The following AMN variants were observed in gnomAD, a reference collection of about 807,000 sequenced individuals.
The protein encoded by AMN is protein amnionless.
AMN carries 40 observed loss-of-function variants against 49.1 expected under a neutral mutation model. That is an observed-to-expected ratio of 0.81 (90% CI 0.63 to 1.06). The LOEUF (loss-of-function observed/expected upper bound fraction) is 1.06, where lower values mean the gene tolerates loss of function less well. Ranked by LOEUF, AMN falls within the 50% of genes least tolerant of loss-of-function variation. The pLI is 0.00. For missense variants in AMN, 701 were observed against 662.8 expected (o/e 1.06, Z -0.63); for synonymous variants, 380 against 313.3 (o/e 1.21, Z -2.25).
chr14:102,926,441 A>G (rs1396677711), intron 3 of AMN, among the ~76,000 whole-genome samples: 2 of 152,138 alleles, frequency 1.3e-5, no homozygotes, highest in African/African-American at 4.8e-5. Flanking sequence ...TACACTATCC[A>G]CACAGTGGCT....
In AMN at chr14:102,929,919, C is replaced by G. The variant is rs1273565162; in HGVS notation, c.844-5C>G. On this transcript the variant is annotated splice_polypyrimidine_tract_variant and splice_region_variant and intron_variant, in intron 8 of 11. Transcript: ENST00000299155. The stretch of plus-strand genomic sequence containing the variant: ...GAGTCAAACCAACCCCGTCCCCCTC[C>G]CCAGCCTCAGTACCACGGGCTGCAG... 1.3e-6 allele frequency: 2 copies of G among 1,555,342 alleles called. No homozygotes were observed. Among genetic ancestry groups the G allele is most frequent in the South Asian group, 2.4e-5 (2 of 84,328 alleles).
chr14:102,924,087 G>T, intron 3 of AMN, 108 bp downstream of exon 3: 1 of 1,488,878 alleles, frequency 6.7e-7, no homozygotes, highest in African/African-American at 1.4e-5. Context: ...TGGAGGCACT[G>T]CAGGACTGGG....
In AMN at chr14:102,930,016, G is replaced by A. The variant is rs1390061512; in HGVS notation, c.936G>A (p.Val312=). ...ATACGGAGATCCAGGTGGTGCTGGTGGAGAATGGGCCCGAGACAGGCGGAG... is the reference window on the plus strand; with the variant it reads ...ATACGGAGATCCAGGTGGTGCTGGTAGAGAATGGGCCCGAGACAGGCGGAG... The part of the protein sequence containing the change: ...EADTEIQVVL[V]ENGPETGGAG... Residue 312 remains valine, a synonymous_variant, in exon 9 of 12, where the codon GTG becomes GTA. Transcript: ENST00000299155. 6.4e-7 allele frequency: 1 copy of A among 1,557,016 alleles called. No individual in the cohort carries two copies. The highest frequency in any genetic ancestry group is 1.9e-5 in the Admixed American group (1 of 52,080).
At position 102,926,655 on chromosome 14, in the gene AMN, C is replaced by T. The variant is rs138385580; in HGVS notation, c.208-1771C>T. ...AGGCTGGAGTGCAGTGGTGTGATCT[C>T]GGCTCAGTGCAACCTCTGCCTCCCG... On this transcript the variant is annotated intron_variant, in intron 3 of 11. Transcript: ENST00000299155. Among the ~76,000 whole-genome samples the T allele has an allele frequency of 2.6e-4, 38 of 147,698 alleles. 1 individual carries two copies. In the East Asian group the frequency reaches 6.7e-3, roughly 26 times the overall value.
chr14:102,927,950 C>G (rs1291825439), intron 3 of AMN, among the ~76,000 whole-genome samples: 2 of 152,242 alleles, frequency 1.3e-5, no homozygotes, highest in African/African-American at 2.4e-5. Context: ...CCGCCAGATG[C>G]AGCCTCTCCC....
rs1891081527 is a variant in AMN, at chr14:102,922,677, A to G, written c.-12A>G. On this transcript the variant is annotated 5_prime_UTR_variant, in exon 1 of 12. Transcript: ENST00000299155. ...CAAAGTCTCCTGGTGGGGTGCAAGGAGCCGAGGCGAGATGGGCGTCCTGGG... is the reference window on the plus strand; with the variant it reads ...CAAAGTCTCCTGGTGGGGTGCAAGGGGCCGAGGCGAGATGGGCGTCCTGGG... 6.3e-7 allele frequency: 1 copy of G among 1,598,682 alleles called. No homozygotes were observed. Among genetic ancestry groups the G allele is most frequent in the African/African-American group, 1.3e-5 (1 of 74,816 alleles).
intron 6 of AMN, 48 bp downstream of exon 6, chr14:102,929,306 C>G: frequency 6.9e-7 from 1 of 1,449,660 alleles, no homozygotes; most frequent in Non-Finnish European, 9.0e-7. Flanking sequence ...AGGGTCGGGA[C>G]TGTGCCCGGG....
rs765866977 is a variant in AMN at position 102,928,917 on chromosome 14, T to C, written c.455T>C (p.Val152Ala). 1.2e-6 allele frequency: 2 copies of C among 1,602,118 alleles called. No individual in the cohort carries two copies. Among genetic ancestry groups the C allele is most frequent in the Non-Finnish European group, 1.7e-6 (2 of 1,179,772 alleles). Reference sequence around the variant, plus strand: ...TTTCCGCCTAGTGCCTCCTTCCGCGTGGGGCTCGGCCCTGGCGCTAGCCCC... The same window carrying C: ...TTTCCGCCTAGTGCCTCCTTCCGCGCGGGGCTCGGCCCTGGCGCTAGCCCC... ...VFFPPSASFR[V>A]GLGPGASPVR... Residue 152 changes from valine (V) to alanine (A), a missense_variant, in exon 5 of 12, where the codon GTG becomes GCG. Physicochemically the swap from Val to Ala is moderately conservative, Grantham distance 64. Transcript: ENST00000299155.
In AMN at chr14:102,930,817, C is replaced by CT; in HGVS notation, c.*139dup. 2.0e-6 allele frequency: 2 copies of CT among 1,021,396 alleles called. No individual in the cohort carries two copies. Among genetic ancestry groups the CT allele is most frequent in the South Asian group, 2.8e-5 (2 of 71,918 alleles). 63.3% of individuals were successfully genotyped at this position (1,021,396 alleles called of 1,614,324 possible). ...CTCCGGGGGCCAAGGACAGGGTGGC[C>CT]TTACTCAGTAAAGGTGTTTCCTGCA... is the stretch of plus-strand genomic sequence containing the variant. On this transcript the variant is annotated 3_prime_UTR_variant, in exon 12 of 12. Transcript: ENST00000299155.
chr14:102,923,591 G>C, intron 1 of AMN, 120 bp from the exon 2 acceptor site: 1 of 944,314 alleles, frequency 1.1e-6, no homozygotes, highest in Non-Finnish European at 1.7e-6. Flanking sequence ...CCCGGGGATG[G>C]GGTTCCTATG....
chr14:102,923,839 A>C lies in AMN; in HGVS notation c.162+10A>C, dbSNP rs775021246. 3.1e-6 allele frequency: 5 copies of C among 1,612,344 alleles called. No homozygotes were observed. The East Asian group carries it at 1.1e-4, about 36-fold the overall frequency. ...GTTCCCGGCGGACAAGGTGCCTGGG[A>C]GCGCCGGCGGGGTCGGTGATGGGCC... is the stretch of plus-strand genomic sequence containing the variant. On this transcript the variant is annotated intron_variant, in intron 2 of 11. Transcript: ENST00000299155.
At position 102,929,520 on chromosome 14, in the gene AMN, G is replaced by C; in HGVS notation, c.744G>C (p.Gln248His). ...ACHSALRPQGQCCDLCGAVVL... is the reference protein window; with the variant it reads ...ACHSALRPQGHCCDLCGAVVL... ...ACAGCGCCCTCCGGCCCCAGGGGCA[G>C]TGCTGTGACCTCTGTGGTAAGCGCC... Residue 248 changes from glutamine (Q) to histidine (H), a missense_variant, in exon 7 of 12, where the codon CAG (glutamine) becomes CAC (histidine). Gln to His is a conservative substitution (Grantham distance 24). Transcript: ENST00000299155. 6.5e-7 allele frequency: 1 copy of C among 1,536,496 alleles called. No individual in the cohort carries two copies. Among genetic ancestry groups the C allele is most frequent in the South Asian group, 1.2e-5 (1 of 83,960 alleles).
At chr14:102,928,704 C>T (rs1891248138) in intron 4 of AMN, 54 bp from the exon 5 acceptor site, 2 of 1,558,734 alleles carry the variant, frequency 1.3e-6, no homozygotes, top group Non-Finnish European at 1.7e-6. Flanking sequence ...CGTGGCGTGG[C>T]GTGGTGTGGC....
In AMN at chr14:102,930,590, G is replaced by T. The variant is rs757315069; in HGVS notation, c.1272G>T (p.Arg424=). The T allele has an allele frequency of 2.5e-6, 4 of 1,583,936 alleles. No individual in the cohort carries two copies. The highest frequency in any genetic ancestry group is 2.3e-5 in the South Asian group (2 of 87,082). The change falls in exon 12 of 12, where the codon CGG becomes CGT. Residue 424 remains arginine, a synonymous_variant. Coordinates refer to ENST00000299155, the MANE Select transcript of AMN (RefSeq NM_030943.4). ...TASEELPLPR[R]LSLVPKAAAD... ...TCACCCCGCAGCCCCTGCCGCGGCG[G>T]CTCAGCCTGGTTCCGAAGGCGGCCG...
chr14:102,930,265 G>A lies in AMN; in HGVS notation c.1107G>A (p.Val369=). 1 of 1,380,674 alleles carries A rather than the reference G, an allele frequency of 7.2e-7. No individual in the cohort carries two copies. The highest frequency in any genetic ancestry group is 1.7e-5 in the South Asian group (1 of 59,446). The allele number at this position is 1,380,674 out of a possible 1,614,324, so 85.5% of individuals were successfully genotyped here. A position where few individuals can be genotyped will look rare whatever the true frequency, so the allele number is the denominator to read the frequency against. The change falls in exon 10 of 12, where the codon GTG becomes GTA. Residue 369 remains valine, a synonymous_variant. Transcript: ENST00000299155. ...TGGCGGGCGGCGTGGCGGCTGCCGT[G>A]CTGCTGGCGCTGCTGGTCCTGCTGG... ...AGLAGGVAAA[V]LLALLVLLVA...
chr14:102,930,185 G>C lies in AMN; in HGVS notation c.1027G>C (p.Glu343Gln), dbSNP rs1272814695. The C allele has an allele frequency of 2.0e-6, 3 of 1,482,910 alleles. No individual in the cohort carries two copies. Among genetic ancestry groups the C allele is most frequent in the Non-Finnish European group, 2.7e-6 (3 of 1,123,700 alleles). 91.9% of individuals were successfully genotyped at this position (1,482,910 alleles called of 1,614,324 possible). A position where few individuals can be genotyped will look rare whatever the true frequency, so the allele number is the denominator to read the frequency against. Residue 343 changes from glutamate to glutamine, a missense_variant, in exon 10 of 12, where the codon GAG (glutamate) becomes CAG (glutamine). Transcript: ENST00000299155. ...AENGEALGVL[E>Q]ATMRESGAHV... is the part of the protein sequence containing the mutation. ...CGCAGGCGAGGCCCTCGGCGTCCTGGAGGCGACCATGCGGGAGTCGGGCGC... is the reference window on the plus strand; with the variant it reads ...CGCAGGCGAGGCCCTCGGCGTCCTGCAGGCGACCATGCGGGAGTCGGGCGC...
At chr14:102,924,351 C>CT (rs1891140634) in intron 3 of AMN, among the ~76,000 whole-genome samples, 1 of 151,898 alleles carries the variant, frequency 6.6e-6, no homozygotes, top group Non-Finnish European at 1.5e-5. Flanking sequence ...CCCAACACCC[C>CT]CCCCTCTACC....
In AMN at chr14:102,923,822, C is replaced by G. The variant is rs943451635; in HGVS notation, c.155C>G (p.Ala52Gly). 6 of 1,612,438 alleles carry G rather than the reference C, an allele frequency of 3.7e-6. No individual in the cohort carries two copies. Among genetic ancestry groups the G allele is most frequent in the Non-Finnish European group, 5.1e-6 (6 of 1,179,694 alleles). Residue 52 changes from alanine (A) to glycine (G), a missense_variant, in exon 2 of 12, where the codon GCG (alanine) becomes GGG (glycine). Physicochemically the swap from Ala to Gly is moderately conservative, Grantham distance 60. Transcript: ENST00000299155. ...GCCGGCGGCGCCGTTGAGTTCCCGG[C>G]GGACAAGGTGCCTGGGAGCGCCGGC... ...PCAGGAVEFP[A>G]DKMVSVLVQE...
In AMN at chr14:102,929,723, A is replaced by C; in HGVS notation, c.829A>C (p.Thr277Pro). 1.3e-6 allele frequency: 2 copies of C among 1,550,420 alleles called. No individual in the cohort carries two copies. Among genetic ancestry groups the C allele is most frequent in the South Asian group, 2.4e-5 (2 of 84,062 alleles). ...LERYRARILDTFLGLPQYHGL... is the reference protein window; with the variant it reads ...LERYRARILDPFLGLPQYHGL... Reference sequence around the variant, plus strand: ...GCGGTACCGGGCGCGGATACTGGACACCTTCCTGGGTCTGGTAATGGGGCC... The same window carrying C: ...GCGGTACCGGGCGCGGATACTGGACCCCTTCCTGGGTCTGGTAATGGGGCC... The change falls in exon 8 of 12, where the codon ACC becomes CCC. Residue 277 changes from threonine (T) to proline (P), a missense_variant. Coordinates refer to ENST00000299155, the MANE Select transcript of AMN (RefSeq NM_030943.4).
Sources: gnomAD v4.1 joint callset for allele counts (sites outside exome capture counted in the v4.1 genomes callset) on GRCh38, gnomAD v4.1.1 for gene constraint, MANE v1.5 for transcripts, NCBI Gene and HGNC (gene_info 2026-07-23, HGNC 2026-07-21) for gene names.